XYLB: variants seen among roughly 807,000 people sequenced by gnomAD.
The protein encoded by XYLB is xylulose kinase.
Under a neutral mutation model 78.7 loss-of-function variants are expected in XYLB, and 62 were observed. The observed-to-expected ratio is 0.79, with a 90% CI of 0.64 to 0.97. The LOEUF (loss-of-function observed/expected upper bound fraction) is 0.97. Among genes scored for constraint, XYLB ranks in the 50% least tolerant of loss-of-function variants. The pLI is 0.00. For synonymous variants in XYLB, 245 were observed against 247.4 expected, an observed-to-expected ratio of 0.99 and a Z score of 0.09; for missense variants, 687 against 676.8, an observed-to-expected ratio of 1.02 and a Z score of -0.17.
At chr3:38,405,836 G>A (rs1708297863) in intron 18 of XYLB, among the ~76,000 whole-genome samples, 1 of 152,258 alleles carries the variant, frequency 6.6e-6, no homozygotes, top group African/African-American at 2.4e-5. Flanking sequence ...TGGGGGAGGG[G>A]CGCCTGCCAT....
Position 38,414,371 on chromosome 3 carries a change from A to G in XYLB, c.*1358A>G, listed in dbSNP as rs1708718518. 6.6e-6 allele frequency: 1 copy of G among 152,244 alleles called. No homozygotes were observed. Among genetic ancestry groups the G allele is most frequent in the Admixed American group, 6.5e-5 (1 of 15,280 alleles). 9.4% of individuals were successfully genotyped at this position (152,244 alleles called of 1,614,324 possible). On this transcript the variant is annotated 3_prime_UTR_variant, in exon 19 of 19. Coordinates refer to ENST00000207870, the MANE Select transcript of XYLB (RefSeq NM_005108.4). ...GCGCAAAGGAAGCAAGAGGTTAAAG[A>G]TAATGGCCCATTAGATACAACAGCA...
chr3:38,350,922 A>G (rs1358917181), intron 2 of XYLB, among the ~76,000 whole-genome samples: 1 of 151,964 alleles, frequency 6.6e-6, no homozygotes, highest in Non-Finnish European at 1.5e-5. Flanking sequence ...CAGGCAGAAC[A>G]CTTAAGGTCC....
In XYLB at chr3:38,365,655, C is replaced by T. The variant is rs756562371; in HGVS notation, c.426C>T (p.Thr142=). The stretch of plus-strand genomic sequence containing the variant: ...GCCCGGTGTGGATGGACTCCAGCAC[C>T]ACAGCCCAGTGCCGCCAGCTGGAGG... ...SDCPVWMDSS[T]TAQCRQLEAA... Residue 142 remains threonine (T), a synonymous_variant, in exon 6 of 19, where the codon ACC becomes ACT. Transcript: ENST00000207870. 2.5e-6 allele frequency: 4 copies of T among 1,613,860 alleles called. No homozygotes were observed. Among genetic ancestry groups the T allele is most frequent in the Non-Finnish European group, 3.4e-6 (4 of 1,179,994 alleles).
At chr3:38,386,242 C>T (rs986313915) in intron 15 of XYLB, among the ~76,000 whole-genome samples, 7 of 152,120 alleles carry the variant, frequency 4.6e-5, no homozygotes, top group Admixed American at 1.3e-4. Flanking sequence ...GTCGTCTCTC[C>T]AGCAGCCTCT....
chr3:38,365,751 CG>C lies in XYLB; in HGVS notation c.507+21del, dbSNP rs753171700. On this transcript the variant is annotated intron_variant, in intron 6 of 18. Coordinates refer to ENST00000207870, the MANE Select transcript of XYLB (RefSeq NM_005108.4). ...GTGCCTATGAGGTAGGCTGAGGATG[CG>C]GGGGGTGCAGGGGGTGGTCTGGTTG... 4 of 1,605,740 alleles carry C rather than the reference CG, an allele frequency of 2.5e-6. No individual in the cohort carries two copies. The highest frequency in any genetic ancestry group is 2.6e-6 in the Non-Finnish European group (3 of 1,175,532).
chr3:38,444,219 C>T, the XYLB span, among the ~76,000 whole-genome samples: 1 of 152,194 alleles, frequency 6.6e-6, no homozygotes, highest in African/African-American at 2.4e-5. Context: ...CTACCTTAAT[C>T]TGCTTTAAAT....
At position 38,405,455 on chromosome 3, in the gene XYLB, C is replaced by T. The variant is rs531083349; in HGVS notation, c.1533+4470C>T. Reference sequence around the variant, plus strand: ...GGTCTACAGCTCCCAGCATGAGCAACGCAGAAGACGGGTGATTTCTGCATT... The same window carrying T: ...GGTCTACAGCTCCCAGCATGAGCAATGCAGAAGACGGGTGATTTCTGCATT... On this transcript the variant is annotated intron_variant, in intron 18 of 18. Transcript: ENST00000207870. Among the ~76,000 whole-genome samples, 150 of 151,378 alleles carry T rather than the reference C, an allele frequency of 9.9e-4. 1 individual carries two copies. Among genetic ancestry groups the T allele is most frequent in the African/African-American group, 3.4e-3 (142 of 41,162 alleles).
intron 2 of XYLB, among the ~76,000 whole-genome samples, chr3:38,354,093 A>G (rs1161204888): frequency 1.3e-5 from 2 of 151,646 alleles, no homozygotes; most frequent in Non-Finnish European, 2.9e-5. Context: ...TTTACTTTTG[A>G]GTTGGAGTCT....
intron 9 of XYLB, among the ~76,000 whole-genome samples, chr3:38,371,847 T>C (rs1472547463): frequency 6.6e-6 from 1 of 152,166 alleles, no homozygotes; most frequent in East Asian, 1.9e-4. Flanking sequence ...ACAGCACAGC[T>C]TTCTGACCCG....
chr3:38,364,087 C>A (rs1265049498), intron 4 of XYLB, among the ~76,000 whole-genome samples: 1 of 152,004 alleles, frequency 6.6e-6, no homozygotes, highest in African/African-American at 2.4e-5. Flanking sequence ...GCTGGATATC[C>A]CACAGATGCC....
Position 38,413,823 on chromosome 3 carries a change from C to T in XYLB, c.*810C>T, listed in dbSNP as rs867234821. On this transcript the variant is annotated 3_prime_UTR_variant, in exon 19 of 19. Coordinates refer to ENST00000207870, the MANE Select transcript of XYLB (RefSeq NM_005108.4). ...TTTAGAACTTCTCTCCCTTTTTCTC[C>T]CTCATTCCCTCTCTCTTCTTGCAGT... 1.3e-5 allele frequency: 2 copies of T among 152,128 alleles called. No homozygotes were observed. Among genetic ancestry groups the T allele is most frequent in the Admixed American group, 1.3e-4 (2 of 15,266 alleles). 9.4% of individuals were successfully genotyped at this position (152,128 alleles called of 1,614,324 possible).
chr3:38,399,055 C>T (rs1194323257), intron 17 of XYLB, among the ~76,000 whole-genome samples: 2 of 149,780 alleles, frequency 1.3e-5, no homozygotes, highest in Non-Finnish European at 3.0e-5. Context: ...AAACAAAAAA[C>T]AAAAAAAAAC....
chr3:38,346,790 TG>T lies in XYLB; in HGVS notation c.-76del. 1 of 1,399,316 alleles carries T rather than the reference TG, an allele frequency of 7.1e-7. No homozygotes were observed. The highest frequency in any genetic ancestry group is 9.4e-7 in the Non-Finnish European group (1 of 1,065,418). 86.7% of individuals were successfully genotyped at this position (1,399,316 alleles called of 1,614,324 possible). Reference sequence around the variant, plus strand: ...AGCTAGGGGCGGGCCCCTGCGTCTCTGGGCGCTGGAGCGCGGCGACTATCAC... The same window carrying T: ...AGCTAGGGGCGGGCCCCTGCGTCTCTGGCGCTGGAGCGCGGCGACTATCAC... On this transcript the variant is annotated 5_prime_UTR_variant, in exon 1 of 19. Coordinates refer to ENST00000207870, the MANE Select transcript of XYLB (RefSeq NM_005108.4).
intron 2 of XYLB, among the ~76,000 whole-genome samples, chr3:38,359,350 G>C (rs930430710): frequency 2.3e-4 from 35 of 152,326 alleles, no homozygotes; most frequent in African/African-American, 7.7e-4. Context: ...CGGTAAACCA[G>C]CAACCTCCAG....
At position 38,346,913 on chromosome 3, in the gene XYLB, C is replaced by A. The variant is rs1230108793; in HGVS notation, c.45C>A (p.Phe15Leu). ...APRRCCLGWD[F>L]STQQVKVVAV... is the part of the protein sequence containing the mutation. Reference sequence around the variant, plus strand: ...GCCGCTGCTGCCTGGGCTGGGACTTCAGCACGCAGCAGGTACAGTCGCCTG... The same window carrying A: ...GCCGCTGCTGCCTGGGCTGGGACTTAAGCACGCAGCAGGTACAGTCGCCTG... The change falls in exon 1 of 19, where the codon TTC (phenylalanine) becomes TTA (leucine). Residue 15 changes from phenylalanine to leucine, a missense_variant. Phe to Leu is a conservative substitution (Grantham distance 22). Coordinates refer to ENST00000207870, the MANE Select transcript of XYLB (RefSeq NM_005108.4). 12 of 1,512,376 alleles carry A rather than the reference C, an allele frequency of 7.9e-6. No individual in the cohort carries two copies. The highest frequency in any genetic ancestry group is 8.8e-7 in the Non-Finnish European group (1 of 1,132,832). 93.7% of individuals were successfully genotyped at this position (1,512,376 alleles called of 1,614,324 possible).
At chr3:38,388,923 A>G (rs569081226) in intron 15 of XYLB, among the ~76,000 whole-genome samples, 95 of 152,126 alleles carry the variant, frequency 6.2e-4, no homozygotes, top group Non-Finnish European at 1.2e-3. Flanking sequence ...TAAAGAATTA[A>G]AATAATAAAG....
downstream of XYLB, among the ~76,000 whole-genome samples, chr3:38,422,352 G>T (rs568270334): frequency 4.5e-4 from 68 of 152,306 alleles, no homozygotes; most frequent in African/African-American, 1.6e-3. Context: ...ATGGGGAGAA[G>T]TGAAACTAAA....
intron 16 of XYLB, 107 bp from the exon 17 acceptor site, chr3:38,396,965 G>T: frequency 1.8e-6 from 2 of 1,084,610 alleles, no homozygotes; most frequent in East Asian, 2.4e-5. Context: ...TGGAATGGAA[G>T]GGGTCAGAAG....
the XYLB span, among the ~76,000 whole-genome samples, chr3:38,438,734 T>C: frequency 6.6e-6 from 1 of 152,144 alleles, no homozygotes; most frequent in Non-Finnish European, 1.5e-5. Flanking sequence ...GAAACCCGAG[T>C]GGGTTGCTGC....
Sources: allele counts gnomAD v4.1 joint callset (sites outside exome capture counted in the v4.1 genomes callset), GRCh38; gene constraint gnomAD v4.1.1; transcripts MANE v1.5; gene names NCBI Gene and HGNC (gene_info 2026-07-23, HGNC 2026-07-21).